Variants in TNFSF4 observed in about 807,000 individuals in gnomAD.
TNFSF4 encodes the protein tumor necrosis factor ligand superfamily member 4.
In TNFSF4, 4 loss-of-function variants were observed where a neutral mutation model predicts 7.3. The observed-to-expected ratio is 0.55, with a 90% CI of 0.27 to 1.25. TNFSF4 has a LOEUF of 1.25. Among genes scored for constraint, TNFSF4 ranks in the 50% most tolerant of loss-of-function variants. TNFSF4 has a pLI of 0.12. For missense variants in TNFSF4, 181 were observed against 208.8 expected, an observed-to-expected ratio of 0.87 and a Z score of 0.82; for synonymous variants, 76 against 83.7, an observed-to-expected ratio of 0.91 and a Z score of 0.50.
At chr1:173,309,053 G>C in the TNFSF4 span, among the ~76,000 whole-genome samples, 4 of 151,926 alleles carry the variant, frequency 2.6e-5, no homozygotes, top group Non-Finnish European at 5.9e-5. Flanking sequence ...CATGCTAGAA[G>C]ATCTTATGGG....
chr1:173,321,608 C>T, the TNFSF4 span, among the ~76,000 whole-genome samples: 5 of 151,326 alleles, frequency 3.3e-5, no homozygotes, highest in East Asian at 3.9e-4. Context: ...ACAGAATCTA[C>T]AAAGAACTTA....
the TNFSF4 span, among the ~76,000 whole-genome samples, chr1:173,291,851 C>T: frequency 6.6e-6 from 1 of 152,004 alleles, no homozygotes; most frequent in Non-Finnish European, 1.5e-5. Flanking sequence ...AAATAGTCCT[C>T]AGAGGCTGTT....
At chr1:173,215,817 G>T in the TNFSF4 span, among the ~76,000 whole-genome samples, 1 of 152,194 alleles carries the variant, frequency 6.6e-6, no homozygotes, top group East Asian at 1.9e-4. Flanking sequence ...ACCTCTTGGG[G>T]TTGCTATAGG....
upstream of TNFSF4, among the ~76,000 whole-genome samples, chr1:173,209,370 T>G (rs1032938942): frequency 6.6e-6 from 1 of 152,214 alleles, no homozygotes; most frequent in Non-Finnish European, 1.5e-5. Flanking sequence ...ATTAGAGTTA[T>G]CATTGCTGAC....
At chr1:173,442,545 G>GTTTTTTTTTTT in the TNFSF4 span, among the ~76,000 whole-genome samples, 20 of 93,450 alleles carry the variant, frequency 2.1e-4, 8 homozygotes, top group South Asian at 1.6e-3. Flanking sequence ...TTTCGTTTTT[G>GTTTTTTTTTTT]TTTTTGTTTT....
At chr1:173,220,157 C>T in the TNFSF4 span, among the ~76,000 whole-genome samples, 24 of 152,180 alleles carry the variant, frequency 1.6e-4, no homozygotes, top group African/African-American at 5.5e-4. Flanking sequence ...CTTCAAATAT[C>T]GTTCTCTTGA....
At chr1:173,234,016 C>A in the TNFSF4 span, among the ~76,000 whole-genome samples, 1 of 152,176 alleles carries the variant, frequency 6.6e-6, no homozygotes, top group Non-Finnish European at 1.5e-5. Flanking sequence ...AGGCAACCTA[C>A]AGAATGGGAG....
At chr1:173,370,965 A>G in the TNFSF4 span, among the ~76,000 whole-genome samples, 3 of 152,204 alleles carry the variant, frequency 2.0e-5, no homozygotes, top group African/African-American at 4.8e-5. Context: ...CACGTCCCCT[A>G]TGCTGAGGCA....
At chr1:173,193,234 A>T (rs772494239) in intron 1 of TNFSF4, among the ~76,000 whole-genome samples, 101 of 152,288 alleles carry the variant, frequency 6.6e-4, no homozygotes, top group Admixed American at 2.1e-3. Flanking sequence ...GATCTTCTCC[A>T]CATACTCAAA....
chr1:173,304,557 GAT>G, the TNFSF4 span, among the ~76,000 whole-genome samples: 5 of 151,974 alleles, frequency 3.3e-5, no homozygotes, highest in East Asian at 9.7e-4. Context: ...AATCACTGCT[GAT>G]AGAAGCACAA....
chr1:173,333,551 G>A, the TNFSF4 span, among the ~76,000 whole-genome samples: 1 of 152,064 alleles, frequency 6.6e-6, no homozygotes, highest in East Asian at 1.9e-4. Context: ...GGGCCCCCGT[G>A]ATGGGAATAG....
At chr1:173,339,994 G>A in the TNFSF4 span, among the ~76,000 whole-genome samples, 1 of 152,234 alleles carries the variant, frequency 6.6e-6, no homozygotes, top group Admixed American at 6.5e-5. Context: ...ATTTGAATTA[G>A]TAGACATAGT....
At chr1:173,421,538 A>C in the TNFSF4 span, among the ~76,000 whole-genome samples, 1 of 152,162 alleles carries the variant, frequency 6.6e-6, no homozygotes, top group Non-Finnish European at 1.5e-5. Context: ...GCCATCCTCA[A>C]GTAAAATAAT....
At chr1:173,251,267 C>T in the TNFSF4 span, among the ~76,000 whole-genome samples, 1 of 152,206 alleles carries the variant, frequency 6.6e-6, no homozygotes, top group African/African-American at 2.4e-5. Context: ...ATACTTCACA[C>T]CATTTAACTG....
the TNFSF4 span, among the ~76,000 whole-genome samples, chr1:173,291,147 C>A: frequency 6.6e-6 from 1 of 152,162 alleles, no homozygotes; most frequent in Non-Finnish European, 1.5e-5. Context: ...CCTTAAAGAG[C>A]TTTCACTCCT....
chr1:173,365,071 T>G, the TNFSF4 span, among the ~76,000 whole-genome samples: 2 of 147,594 alleles, frequency 1.4e-5, no homozygotes, highest in African/African-American at 5.1e-5. Context: ...TGGGAAACAG[T>G]GTGAGACCCT....
At chr1:173,271,220 C>T in the TNFSF4 span, among the ~76,000 whole-genome samples, 1 of 152,154 alleles carries the variant, frequency 6.6e-6, no homozygotes, top group South Asian at 2.1e-4. Flanking sequence ...TCATTCTTGC[C>T]CATGCCTATG....
the TNFSF4 span, among the ~76,000 whole-genome samples, chr1:173,366,566 G>A: frequency 6.6e-6 from 1 of 152,098 alleles, no homozygotes; most frequent in Non-Finnish European, 1.5e-5. Context: ...GTATCTGATA[G>A]CACAACAGGG....
At chr1:173,311,099 T>C in the TNFSF4 span, among the ~76,000 whole-genome samples, 8 of 152,030 alleles carry the variant, frequency 5.3e-5, no homozygotes, top group African/African-American at 1.7e-4. Context: ...ATTTAGTCCA[T>C]TTACTTTTAA....
Sources: gnomAD v4.1 joint callset for allele counts (sites outside exome capture counted in the v4.1 genomes callset) on GRCh38, gnomAD v4.1.1 for gene constraint, MANE v1.5 for transcripts, NCBI Gene and HGNC (gene_info 2026-07-23, HGNC 2026-07-21) for gene names.